Variants in PRKAR1B observed in about 807,000 individuals in gnomAD.
The protein encoded by PRKAR1B is cAMP-dependent protein kinase type I-beta regulatory subunit.
In PRKAR1B, 22 loss-of-function variants were observed where a neutral mutation model predicts 46.5. The ratio of observed to expected loss-of-function variants is 0.47; its 90% CI spans 0.34 to 0.68. PRKAR1B has a LOEUF of 0.68. Ranked by LOEUF, PRKAR1B falls within the 30% of genes least tolerant of loss-of-function variation. The pLI, the probability that PRKAR1B is intolerant of heterozygous loss-of-function variation, is 0.01. For missense variants in PRKAR1B, 445 were observed against 535.6 expected, an observed-to-expected ratio of 0.83 and a Z score of 1.67; for synonymous variants, 259 against 217.7, an observed-to-expected ratio of 1.19 and a Z score of -1.67.
intron 6 of PRKAR1B, among the ~76,000 whole-genome samples, chr7:600,653 T>C (rs1173823955): frequency 3.9e-5 from 6 of 152,130 alleles, no homozygotes; most frequent in African/African-American, 1.4e-4. Flanking sequence ...CCAGACGTGT[T>C]GTGTGAAACC....
At chr7:604,127 C>G (rs1457654851) in intron 6 of PRKAR1B, among the ~76,000 whole-genome samples, 1 of 152,216 alleles carries the variant, frequency 6.6e-6, no homozygotes, top group African/African-American at 2.4e-5. Flanking sequence ...AGCCCCCCAT[C>G]AGGCCCTGGT....
intron 1 of PRKAR1B, among the ~76,000 whole-genome samples, chr7:720,442 G>A (rs530782740): frequency 1.4e-3 from 220 of 152,358 alleles, no homozygotes; most frequent in African/African-American, 5.1e-3. Flanking sequence ...GAGGACACTA[G>A]AAAATAATGT....
chr7:616,073 A>C (rs1199361101), intron 4 of PRKAR1B, among the ~76,000 whole-genome samples: 1 of 152,036 alleles, frequency 6.6e-6, no homozygotes, highest in Non-Finnish European at 1.5e-5. Flanking sequence ...CTGTGCTCTC[A>C]CCACTGCCGA....
Position 666,743 on chromosome 7 carries a change from A to G in PRKAR1B, c.440+10486T>C, listed in dbSNP as rs1304853870. Among the ~76,000 whole-genome samples the G allele has an allele frequency of 2.6e-5, 4 of 152,350 alleles. No homozygotes were observed. The highest frequency in any genetic ancestry group is 2.1e-4 in the South Asian group (1 of 4,828). On this transcript the variant is annotated intron_variant, in intron 4 of 10. Coordinates refer to ENST00000537384, the MANE Select transcript of PRKAR1B (RefSeq NM_001164760.2). This position sits in a 1 kb window ranked among gnomAD's most constrained non-coding sequence, Gnocchi z 4.9. ...GCGGCCTATTCACCAACTCAGGCCC[A>G]GGGTGGAGCAGAGAATGACTCAAGG...
intron 4 of PRKAR1B, among the ~76,000 whole-genome samples, chr7:673,931 G>A (rs538442410): frequency 5.8e-4 from 88 of 152,304 alleles, no homozygotes; most frequent in African/African-American, 2.0e-3. Context: ...CCTCCTCGGC[G>A]TGTGCCACAT....
At chr7:653,066 G>A (rs1387720119) in intron 4 of PRKAR1B, among the ~76,000 whole-genome samples, 1 of 152,152 alleles carries the variant, frequency 6.6e-6, no homozygotes, top group African/African-American at 2.4e-5. Context: ...GTGGCTGGGC[G>A]CCAAGAAGGA....
chr7:670,757 C>G lies in PRKAR1B; in HGVS notation c.440+6472G>C, dbSNP rs573313616. On this transcript the variant is annotated intron_variant, in intron 4 of 10. Transcript: ENST00000537384. ...ACCGAGGACGGCCCCCGAGCTCCCC[C>G]ACGCCACGGCATCCGGCAGAGGGGC... Among the ~76,000 whole-genome samples, 3 of 149,850 alleles carry G rather than the reference C, an allele frequency of 2.0e-5. No individual in the cohort carries two copies. The East Asian group carries it at 5.8e-4, about 29-fold the overall frequency.
Position 643,129 on chromosome 7 carries a change from C to G in PRKAR1B, c.440+34100G>C, listed in dbSNP as rs558773215. On this transcript the variant is annotated intron_variant, in intron 4 of 10. Transcript: ENST00000537384. The stretch of plus-strand genomic sequence containing the variant: ...TAATTACCTTGAAAATAATCAGACT[C>G]TGCCATTGCAAAAGAGAAAGACAAC... Among the ~76,000 whole-genome samples, 17 of 151,758 alleles carry G rather than the reference C, an allele frequency of 1.1e-4. No individual in the cohort carries two copies. The South Asian group carries it at 3.5e-3, about 32-fold the overall frequency.
chr7:638,107 C>T (rs1784218454), intron 4 of PRKAR1B, among the ~76,000 whole-genome samples: 2 of 152,250 alleles, frequency 1.3e-5, no homozygotes, highest in Admixed American at 1.3e-4. Context: ...GTGCCTGGCC[C>T]AGGCCCGCGT....
At position 628,961 on chromosome 7, in the gene PRKAR1B, C is replaced by A. The variant is rs192565641; in HGVS notation, c.441-21509G>T. ...ACGGCGGGCACTCGTGTTCTGACGC[C>A]AAGGTGCTTGCAACGTCCTGTGAGC... On this transcript the variant is annotated intron_variant, in intron 4 of 10. Transcript: ENST00000537384. Among the ~76,000 whole-genome samples the A allele has an allele frequency of 4.7e-3, 714 of 152,310 alleles. 3 individuals are homozygous for A. Among genetic ancestry groups the A allele is most frequent in the South Asian group, 0.024 (118 of 4,822 alleles).
At chr7:611,971 A>G (rs971055437) in intron 4 of PRKAR1B, among the ~76,000 whole-genome samples, 4 of 146,960 alleles carry the variant, frequency 2.7e-5, no homozygotes, top group African/African-American at 1.0e-4. Context: ...GAGTAGATCA[A>G]CGGATGGATG....
intron 9 of PRKAR1B, among the ~76,000 whole-genome samples, chr7:571,414 T>G (rs1004443032): frequency 6.6e-6 from 1 of 152,194 alleles, no homozygotes; most frequent in African/African-American, 2.4e-5. Flanking sequence ...CGTCCCCTGG[T>G]TCAGGCGTCG....
At position 550,410 on chromosome 7, in the gene PRKAR1B, C is replaced by T. The variant is rs778366175; in HGVS notation, c.*20G>A. 4 of 1,574,198 alleles carry T rather than the reference C, an allele frequency of 2.5e-6. No homozygotes were observed. The South Asian group carries it at 4.7e-5, about 18-fold the overall frequency. On this transcript the variant is annotated 3_prime_UTR_variant, in exon 11 of 11. Coordinates refer to ENST00000537384, the MANE Select transcript of PRKAR1B (RefSeq NM_001164760.2). ...CGGCCACCACACTGGGGAGCTGGGG[C>T]TGCAGGGCGGGAGCTGTGCTCAGAC...
intron 4 of PRKAR1B, among the ~76,000 whole-genome samples, chr7:660,788 C>A (rs1785491277): frequency 1.8e-5 from 2 of 109,086 alleles, no homozygotes; most frequent in Admixed American, 8.3e-5. Context: ...GGTCCCCACC[C>A]CAACAGATGC....
intron 4 of PRKAR1B, among the ~76,000 whole-genome samples, chr7:640,257 A>G (rs1389792858): frequency 6.6e-6 from 1 of 152,210 alleles, no homozygotes; most frequent in Non-Finnish European, 1.5e-5. Flanking sequence ...CAAACCACAG[A>G]CTGGGGAAAA....
At chr7:555,001 C>T (rs953998503) in intron 9 of PRKAR1B, among the ~76,000 whole-genome samples, 4 of 152,156 alleles carry the variant, frequency 2.6e-5, no homozygotes, top group Middle Eastern at 3.2e-3. Context: ...CAGAGGCTGC[C>T]GTGGCTCCGG....
intron 9 of PRKAR1B, among the ~76,000 whole-genome samples, chr7:577,379 C>A (rs147065863): frequency 6.6e-6 from 1 of 152,180 alleles, no homozygotes; most frequent in Admixed American, 6.5e-5. Flanking sequence ...GCCACCCTGA[C>A]GCACGCATTT....
chr7:657,416 GATGA>G (rs201874637), intron 4 of PRKAR1B, among the ~76,000 whole-genome samples: 16,300 of 151,942 alleles, frequency 0.11, 947 homozygotes, highest in South Asian at 0.26. Context: ...TGGATGGATG[GATGA>G]ATGAATGAAT....
chr7:674,909 T>C (rs546278358), intron 4 of PRKAR1B, among the ~76,000 whole-genome samples: 85 of 152,358 alleles, frequency 5.6e-4, no homozygotes, highest in African/African-American at 2.0e-3. Flanking sequence ...TGTGAGTGGC[T>C]GGGTGCCAAG....
Sources: allele counts gnomAD v4.1 joint callset (sites outside exome capture counted in the v4.1 genomes callset), GRCh38; gene constraint gnomAD v4.1.1; non-coding constraint Gnocchi (gnomAD v3.1); transcripts MANE v1.5; gene names NCBI Gene and HGNC (gene_info 2026-07-23, HGNC 2026-07-21).